ARPC1B: variants seen among roughly 807,000 people sequenced by gnomAD.
The protein encoded by ARPC1B is actin related protein 2/3 complex subunit 1B, also known as actin-related protein 2/3 complex subunit 1B.
ARPC1B carries 29 observed loss-of-function variants against 46.0 expected under a neutral mutation model. The ratio of observed to expected loss-of-function variants is 0.63; its 90% confidence interval spans 0.47 to 0.86. The LOEUF (loss-of-function observed/expected upper bound fraction) is 0.86, where lower values mean the gene tolerates loss of function less well. Among genes scored for constraint, ARPC1B ranks in the 40% least tolerant of loss-of-function variants. The pLI is 0.00. For synonymous variants in ARPC1B, 201 were observed against 213.9 expected (o/e 0.94, Z 0.53); for missense variants, 469 against 529.4 (o/e 0.89, Z 1.12).
rs1393688813 is a variant in ARPC1B, at chr7:99,388,196, C to G, written c.327C>G (p.Asn109Lys). 1 of 1,614,240 alleles carries G rather than the reference C, an allele frequency of 6.2e-7. No individual in the cohort carries two copies. Residue 109 changes from asparagine to lysine, a missense_variant, in exon 4 of 10, where the codon AAC becomes AAG. Coordinates refer to ENST00000646101, the MANE Select transcript of ARPC1B (RefSeq NM_005720.4). ...GCGTGCGCTGGGCCCCCAACGAGAACAAGTTTGCTGTGGGCAGCGGCTCTC... is the reference window on the plus strand; with the variant it reads ...GCGTGCGCTGGGCCCCCAACGAGAAGAAGTTTGCTGTGGGCAGCGGCTCTC... ...ARCVRWAPNENKFAVGSGSRV... is the reference protein window; with the variant it reads ...ARCVRWAPNEKKFAVGSGSRV...
At chr7:99,392,350 C>G (rs1310005887) in intron 7 of ARPC1B, among the ~76,000 whole-genome samples, 1 of 152,166 alleles carries the variant, frequency 6.6e-6, no homozygotes, top group African/African-American at 2.4e-5. Context: ...AATGGGGGTG[C>G]CAGGGCCAGG....
chr7:99,376,819 A>C (rs1398388437), intron 1 of ARPC1B, among the ~76,000 whole-genome samples: 2 of 151,658 alleles, frequency 1.3e-5, no homozygotes, highest in African/African-American at 4.8e-5. Context: ...GCGGTGAGCC[A>C]AGATCATGCC....
intron 6 of ARPC1B, 36 bp from the exon 7 acceptor site, chr7:99,391,142 A>G (rs1438019494): frequency 2.5e-6 from 4 of 1,613,514 alleles, no homozygotes; most frequent in Non-Finnish European, 3.4e-6. Context: ...AGTGCAGAGG[A>G]GTGGGACACC....
rs369240008 is a variant in ARPC1B at position 99,386,773 on chromosome 7, C to T, written c.153C>T (p.His51=). Residue 51 remains histidine (H), a synonymous_variant, in exon 3 of 10, where the codon CAC becomes CAT. Coordinates refer to ENST00000646101, the MANE Select transcript of ARPC1B (RefSeq NM_005720.4). ...CCAAGGTGCACGAGCTCAAGGAGCA[C>T]AACGGGCAGGTGACAGGTATGTCAG... is the stretch of plus-strand genomic sequence containing the variant. ...KWTKVHELKE[H]NGQVTGIDWA... The T allele has an allele frequency of 6.8e-6, 11 of 1,613,654 alleles. No homozygotes were observed. The African/African-American group carries it at 1.5e-4, about 22-fold the overall frequency.
intron 1 of ARPC1B, among the ~76,000 whole-genome samples, chr7:99,384,901 A>C (rs1215376949): frequency 4.9e-5 from 5 of 102,522 alleles, no homozygotes; most frequent in East Asian, 2.5e-4. Context: ...TTGCTCTGTC[A>C]CCCAGCCTCC....
intron 1 of ARPC1B, chr7:99,377,417 A>G (rs1409794280): frequency 6.7e-6 from 1 of 148,748 alleles, no homozygotes; most frequent in Admixed American, 6.8e-5. Flanking sequence ...GGTTCCAGTG[A>G]TTCTCCTGCC....
At chr7:99,380,145 T>G (rs1182084248) in intron 1 of ARPC1B, among the ~76,000 whole-genome samples, 1 of 152,028 alleles carries the variant, frequency 6.6e-6, no homozygotes, top group Non-Finnish European at 1.5e-5. Flanking sequence ...CAGGCGGGGG[T>G]GAGCACACGC....
Position 99,386,717 on chromosome 7 carries a change from C to T in ARPC1B, c.97C>T (p.His33Tyr), listed in dbSNP as rs1293481794. 6.2e-7 allele frequency: 1 copy of T among 1,614,104 alleles called. No homozygotes were observed. Among genetic ancestry groups the T allele is most frequent in the Admixed American group, 1.7e-5 (1 of 60,018 alleles). ...IAICPNNHEVHIYEKSGAKWT... is the reference protein window; with the variant it reads ...IAICPNNHEVYIYEKSGAKWT... ...CATCTGCCCCAACAACCATGAGGTG[C>T]ATATCTATGAAAAGAGCGGTGCCAA... The change falls in exon 3 of 10, where the codon CAT (histidine) becomes TAT (tyrosine). Residue 33 changes from histidine to tyrosine, a missense_variant. Transcript: ENST00000646101.
chr7:99,394,303 G>A, intron 9 of ARPC1B, 148 bp from the exon 10 acceptor site: 1 of 1,050,768 alleles, frequency 9.5e-7, no homozygotes, highest in East Asian at 2.4e-5. Context: ...CGTCTTCAGG[G>A]CCGGGATTCC....
chr7:99,390,922 A>T lies in ARPC1B; in HGVS notation c.530A>T (p.Glu177Val), dbSNP rs1170392880. Residue 177 changes from glutamate (E) to valine (V), a missense_variant, in exon 6 of 10, where the codon GAG (glutamate) becomes GTG (valine). By Grantham distance (121) the Glu-to-Val change is moderately radical. Coordinates refer to ENST00000646101, the MANE Select transcript of ARPC1B (RefSeq NM_005720.4). ...RIFSAYIKEVEERPAPTPWGS... is the reference protein window; with the variant it reads ...RIFSAYIKEVVERPAPTPWGS... The stretch of plus-strand genomic sequence containing the variant: ...TTTTCAGCCTACATCAAGGAGGTGG[A>T]GGAACGGCCGGCACCCACCCCGTGG... The T allele has an allele frequency of 6.2e-7, 1 of 1,611,100 alleles. No individual in the cohort carries two copies. The highest frequency in any genetic ancestry group is 8.5e-7 in the Non-Finnish European group (1 of 1,178,018).
At chr7:99,380,120 G>C (rs1332326057) in intron 1 of ARPC1B, among the ~76,000 whole-genome samples, 1 of 152,196 alleles carries the variant, frequency 6.6e-6, no homozygotes, top group East Asian at 1.9e-4. Context: ...GAGACATCCA[G>C]AGCAGGGTAA....
At chr7:99,379,850 G>A (rs990718754) in intron 1 of ARPC1B, among the ~76,000 whole-genome samples, 1 of 148,730 alleles carries the variant, frequency 6.7e-6, no homozygotes, top group East Asian at 1.9e-4. Flanking sequence ...TTGCCATGTT[G>A]GCCAGGATGG....
chr7:99,377,928 G>A (rs897411985), intron 1 of ARPC1B, among the ~76,000 whole-genome samples: 5 of 151,834 alleles, frequency 3.3e-5, no homozygotes, highest in African/African-American at 4.9e-5. Flanking sequence ...CACCGCACCC[G>A]TCGGTTGATA....
At chr7:99,389,868 G>C (rs1794510737) in intron 4 of ARPC1B, 37 bp from the exon 5 acceptor site, 1 of 1,565,808 alleles carries the variant, frequency 6.4e-7, no homozygotes, top group Non-Finnish European at 8.8e-7. Flanking sequence ...CCACCTGCCT[G>C]TCCCTCTCTC....
At chr7:99,375,351 C>G (rs1794004800) in intron 1 of ARPC1B, among the ~76,000 whole-genome samples, 1 of 152,204 alleles carries the variant, frequency 6.6e-6, no homozygotes, top group Non-Finnish European at 1.5e-5. Context: ...GCCGCTCCCG[C>G]TGCTCCCACC....
Position 99,388,221 on chromosome 7 carries a change from C to A in ARPC1B, c.352C>A (p.Arg118Ser). 1 of 1,614,180 alleles carries A rather than the reference C, an allele frequency of 6.2e-7. No individual in the cohort carries two copies. Among genetic ancestry groups the A allele is most frequent in the Non-Finnish European group, 8.5e-7 (1 of 1,180,020 alleles). The change falls in exon 4 of 10, where the codon CGT becomes AGT. Residue 118 changes from arginine (R) to serine (S), a missense_variant. Arg to Ser is a moderately radical substitution (Grantham distance 110). Coordinates refer to ENST00000646101, the MANE Select transcript of ARPC1B (RefSeq NM_005720.4). ...CAAGTTTGCTGTGGGCAGCGGCTCT[C>A]GTGTGATCTCCATCTGTTATTTCGA... is the stretch of plus-strand genomic sequence containing the variant. ...ENKFAVGSGS[R>S]VISICYFEQE...
rs1346773140 is a variant in ARPC1B at position 99,388,022 on chromosome 7, C to CCTCCATCCCCCCACA, written c.170-16_170-2dup. On this transcript the variant is annotated splice_polypyrimidine_tract_variant and intron_variant, in intron 3 of 9. Transcript: ENST00000646101. ...TGAGTGTCATCAGCCTCCTGTGTTC[C>CCTCCATCCCCCCACA]CTCCATCCCCCCACAGGCATCGACT... 5 of 1,549,958 alleles carry CCTCCATCCCCCCACA rather than the reference C, an allele frequency of 3.2e-6. No homozygotes were observed. Among genetic ancestry groups the CCTCCATCCCCCCACA allele is most frequent in the Non-Finnish European group, 3.6e-6 (4 of 1,125,348 alleles).
intron 1 of ARPC1B, among the ~76,000 whole-genome samples, chr7:99,382,777 T>C (rs1446995867): frequency 2.0e-5 from 3 of 151,636 alleles, no homozygotes; most frequent in Non-Finnish European, 4.4e-5. Flanking sequence ...CCTGGCCCTA[T>C]TTAATAAAAT....
In ARPC1B at chr7:99,386,638, G is replaced by C. The variant is rs538208002; in HGVS notation, c.65-47G>C. The C allele has an allele frequency of 2.2e-6, 3 of 1,379,864 alleles. No individual in the cohort carries two copies. The African/African-American group carries it at 4.3e-5, about 20-fold the overall frequency. The allele number at this position is 1,379,864 out of a possible 1,614,324, so 85.5% of individuals were successfully genotyped here. A position where few individuals can be genotyped will look rare whatever the true frequency, so the allele number is the denominator to read the frequency against. ...CACTGTGTAGTGTGTCCTGGCAGAG[G>C]GCAGTCATGGAGAGGGCCCCTCAAT... is the stretch of plus-strand genomic sequence containing the variant. On this transcript the variant is annotated intron_variant, in intron 2 of 9. Transcript: ENST00000646101.
Sources: allele counts gnomAD v4.1 joint callset (sites outside exome capture counted in the v4.1 genomes callset), GRCh38; gene constraint gnomAD v4.1.1; transcripts MANE v1.5; gene names NCBI Gene and HGNC (gene_info 2026-07-23, HGNC 2026-07-21).